Variants in ATXN10 observed in about 807,000 individuals in gnomAD.
ATXN10 encodes ataxin 10, also known as ataxin-10.
ATXN10 carries 28 observed loss-of-function variants against 52.9 expected under a neutral mutation model. The ratio of observed to expected loss-of-function variants is 0.53; its 90% CI spans 0.39 to 0.73. The LOEUF (loss-of-function observed/expected upper bound fraction) is 0.73, where lower values mean the gene tolerates loss of function less well. ATXN10 is among the 30% of genes least tolerant of loss of function. The pLI is 0.00. For synonymous variants in ATXN10, 226 were observed against 221.5 expected, an observed-to-expected ratio of 1.02 and a Z score of -0.18; for missense variants, 565 against 577.0, an observed-to-expected ratio of 0.98 and a Z score of 0.21.
intron 10 of ATXN10, among the ~76,000 whole-genome samples, chr22:45,821,670 T>C (rs9614788): frequency 0.046 from 7,052 of 152,304 alleles, 192 homozygotes; most frequent in Non-Finnish European, 0.06. Flanking sequence ...TATAGTAAAC[T>C]GCAAGTTTTA....
rs551568839 is a variant in ATXN10, at chr22:45,787,220, T to C, written c.1174-19739T>C. Reference sequence around the variant, plus strand: ...AGAGAATTTTCATGGATAGGATCTGTCCCCATCTCAGGGTTGGGGCTTGGC... The same window carrying C: ...AGAGAATTTTCATGGATAGGATCTGCCCCCATCTCAGGGTTGGGGCTTGGC... On this transcript the variant is annotated intron_variant, in intron 9 of 11. Coordinates refer to ENST00000252934, the MANE Select transcript of ATXN10 (RefSeq NM_013236.4). The surrounding 1 kb of genome is among the most constrained non-coding windows in gnomAD (Gnocchi z 4.2). Among the ~76,000 whole-genome samples the C allele has an allele frequency of 6.6e-6, 1 of 152,238 alleles. No individual in the cohort carries two copies. Among genetic ancestry groups the C allele is most frequent in the Admixed American group, 6.5e-5 (1 of 15,296 alleles).
At chr22:45,749,714 A>C (rs754172351) in intron 9 of ATXN10, among the ~76,000 whole-genome samples, 1 of 151,958 alleles carries the variant, frequency 6.6e-6, no homozygotes, top group African/African-American at 2.4e-5. Context: ...GGCATGTGCC[A>C]CCATGCCCGA....
At chr22:45,773,562 G>T (rs1267438116) in intron 9 of ATXN10, among the ~76,000 whole-genome samples, 1 of 152,002 alleles carries the variant, frequency 6.6e-6, no homozygotes, top group Non-Finnish European at 1.5e-5. Context: ...AGGTTCAAGC[G>T]ATTCTCCTGC....
intron 5 of ATXN10, among the ~76,000 whole-genome samples, chr22:45,707,051 A>G (rs950918401): frequency 6.6e-6 from 1 of 152,120 alleles, no homozygotes; most frequent in Non-Finnish European, 1.5e-5. Context: ...ACACATGTTT[A>G]TATTTATTAT....
intron 1 of ATXN10, chr22:45,676,555 C>G (rs1297862344): frequency 6.6e-6 from 1 of 151,548 alleles, no homozygotes; most frequent in Admixed American, 6.6e-5. Context: ...TCTTGGCTCA[C>G]TGCAACCTTC....
intron 7 of ATXN10, among the ~76,000 whole-genome samples, chr22:45,731,978 GAGAC>G (rs1300776648): frequency 6.6e-6 from 1 of 152,174 alleles, no homozygotes; most frequent in African/African-American, 2.4e-5. Flanking sequence ...AATTCTCTAA[GAGAC>G]AGAGAAAAGA....
At position 45,688,997 on chromosome 22, in the gene ATXN10, G is replaced by T. The variant is rs951385901; in HGVS notation, c.117-715G>T. 6.6e-6 allele frequency among the ~76,000 whole-genome samples: 1 copy of T among 152,084 alleles called. No homozygotes were observed. Among genetic ancestry groups the T allele is most frequent in the African/African-American group, 2.4e-5 (1 of 41,418 alleles). On this transcript the variant is annotated intron_variant, in intron 1 of 11. Transcript: ENST00000252934. The surrounding 1 kb of genome is among the most constrained non-coding windows in gnomAD (Gnocchi z 4.0). ...ATGAGAGGCACGCAGAGACTGAGATGCCCAGAGGGTACAACCACAGGTTCA... is the reference window on the plus strand; with the variant it reads ...ATGAGAGGCACGCAGAGACTGAGATTCCCAGAGGGTACAACCACAGGTTCA...
At chr22:45,740,738 A>C (rs3903402) in intron 9 of ATXN10, 200 bp downstream of exon 9, 2 of 270,774 alleles carry the variant, frequency 7.4e-6, no homozygotes, top group Non-Finnish European at 1.3e-5. Context: ...ACACACACAC[A>C]CGTGTGTGTG....
At chr22:45,829,754 G>A (rs1228517285) in intron 10 of ATXN10, among the ~76,000 whole-genome samples, 1 of 152,164 alleles carries the variant, frequency 6.6e-6, no homozygotes, top group African/African-American at 2.4e-5. Context: ...CACATCGCAT[G>A]TTCATGTGTT....
chr22:45,721,035 A>T (rs977222021), intron 6 of ATXN10, among the ~76,000 whole-genome samples: 1 of 152,204 alleles, frequency 6.6e-6, no homozygotes, highest in Non-Finnish European at 1.5e-5. Flanking sequence ...AGTGCTGTGT[A>T]AATTCTTAAG....
chr22:45,730,926 C>T (rs986872181), intron 7 of ATXN10, among the ~76,000 whole-genome samples: 1 of 152,176 alleles, frequency 6.6e-6, no homozygotes, highest in Non-Finnish European at 1.5e-5. Flanking sequence ...CAGTTTGCTT[C>T]TTCTCTTCTT....
At chr22:45,672,313 G>A in intron 1 of ATXN10, 134 bp downstream of exon 1, 4 of 1,025,868 alleles carry the variant, frequency 3.9e-6, no homozygotes, top group Non-Finnish European at 4.9e-6. Context: ...CGGGCTGCCT[G>A]AGCGCCACCC....
At chr22:45,734,605 C>T (rs185897702) in intron 7 of ATXN10, among the ~76,000 whole-genome samples, 26 of 150,464 alleles carry the variant, frequency 1.7e-4, no homozygotes, top group African/African-American at 5.6e-4. Context: ...GTAAATTCTC[C>T]ACTTAGATTG....
intron 6 of ATXN10, among the ~76,000 whole-genome samples, chr22:45,723,991 T>C (rs1601607391): frequency 6.6e-6 from 1 of 152,004 alleles, no homozygotes; most frequent in Admixed American, 6.6e-5. Context: ...TCCATCCAAG[T>C]TGCTGCATAA....
At position 45,784,724 on chromosome 22, in the gene ATXN10, T is replaced by G. The variant is rs1374090181; in HGVS notation, c.1174-22235T>G. On this transcript the variant is annotated intron_variant, in intron 9 of 11. Transcript: ENST00000252934. The surrounding 1 kb of genome is among the most constrained non-coding windows in gnomAD (Gnocchi z 4.2). ...TCTTACACATTCCAGATAGTCATTC[T>G]GAGGGCTGCTGTGTGGCAGATTCCC... Among the ~76,000 whole-genome samples the G allele has an allele frequency of 6.6e-6, 1 of 152,238 alleles. No individual in the cohort carries two copies. The highest frequency in any genetic ancestry group is 1.9e-4 in the East Asian group (1 of 5,198).
chr22:45,815,850 C>G lies in ATXN10; in HGVS notation c.1237+8828C>G, dbSNP rs74525894. On this transcript the variant is annotated intron_variant, in intron 10 of 11. Transcript: ENST00000252934. ...ATGTAAAGGATGAATGTCAGTGTTTCTTTCCATTGTAATTCCTTGAGGGAC... is the reference window on the plus strand; with the variant it reads ...ATGTAAAGGATGAATGTCAGTGTTTGTTTCCATTGTAATTCCTTGAGGGAC... Among the ~76,000 whole-genome samples the G allele has an allele frequency of 9.8e-3, 1,485 of 152,264 alleles. 12 individuals carry two copies. Among genetic ancestry groups the G allele is most frequent in the Middle Eastern group, 0.031 (9 of 294 alleles).
chr22:45,687,208 T>C (rs999091558), intron 1 of ATXN10, among the ~76,000 whole-genome samples: 2 of 152,210 alleles, frequency 1.3e-5, no homozygotes, highest in African/African-American at 4.8e-5. Context: ...TGGGAATTAT[T>C]CACAACATAG....
At position 45,728,004 on chromosome 22, in the gene ATXN10, A is replaced by G. The variant is rs1451480884; in HGVS notation, c.729-1421A>G. Among the ~76,000 whole-genome samples, 1 of 151,820 alleles carries G rather than the reference A, an allele frequency of 6.6e-6. No individual in the cohort carries two copies. The highest frequency in any genetic ancestry group is 1.5e-5 in the Non-Finnish European group (1 of 67,954). ...TGTTTTAGGTGAGTCTCTTGAAGAC[A>G]GCAGGTATTTGGTTTGTGATTTTTT... On this transcript the variant is annotated intron_variant, in intron 6 of 11. Coordinates refer to ENST00000252934, the MANE Select transcript of ATXN10 (RefSeq NM_013236.4). This position sits in a 1 kb window ranked among gnomAD's most constrained non-coding sequence, Gnocchi z 4.3.
At chr22:45,808,481 C>T (rs1416779401) in intron 10 of ATXN10, among the ~76,000 whole-genome samples, 1 of 152,206 alleles carries the variant, frequency 6.6e-6, no homozygotes, top group African/African-American at 2.4e-5. Context: ...CTCGCAGCAC[C>T]TTCCACCTTG....
Sources: allele counts gnomAD v4.1 joint callset (sites outside exome capture counted in the v4.1 genomes callset), GRCh38; gene constraint gnomAD v4.1.1; non-coding constraint Gnocchi (gnomAD v3.1); transcripts MANE v1.5; gene names NCBI Gene and HGNC (gene_info 2026-07-23, HGNC 2026-07-21).